AFG2A: variants seen among roughly 807,000 people sequenced by gnomAD.
AFG2A encodes the protein ATPase family gene 2 protein homolog A.
At chr4:123,175,776 C>A in the AFG2A span, among the ~76,000 whole-genome samples, 1 of 152,236 alleles carries the variant, frequency 6.6e-6, no homozygotes, top group African/African-American at 2.4e-5. Context: ...AAGTAAAATG[C>A]AACGGATGCA....
chr4:123,057,268 C>A, the AFG2A span: 1 of 1,613,756 alleles, frequency 6.2e-7, no homozygotes. Context: ...AACTGGATGC[C>A]TTAGCAGTTG....
chr4:123,108,816 G>A, the AFG2A span, among the ~76,000 whole-genome samples: 1 of 152,142 alleles, frequency 6.6e-6, no homozygotes, highest in African/African-American at 2.4e-5. Context: ...GATATTTTGG[G>A]AATTTCTAAG....
chr4:123,028,890 G>C, the AFG2A span, among the ~76,000 whole-genome samples: 1,531 of 152,174 alleles, frequency 0.01, 36 homozygotes, highest in African/African-American at 0.035. Flanking sequence ...TTTGTTCATT[G>C]CTTCGCCCCG....
At chr4:123,135,642 T>C in the AFG2A span, among the ~76,000 whole-genome samples, 2 of 152,198 alleles carry the variant, frequency 1.3e-5, no homozygotes, top group Non-Finnish European at 2.9e-5. Flanking sequence ...AACAATATAG[T>C]ATAACAACGT....
the AFG2A span, among the ~76,000 whole-genome samples, chr4:123,084,971 T>C: frequency 6.6e-6 from 1 of 152,140 alleles, no homozygotes; most frequent in Non-Finnish European, 1.5e-5. Flanking sequence ...TCTTTTTTTT[T>C]CCTTTGTATT....
At chr4:123,051,640 C>CTTTTTTTT in the AFG2A span, among the ~76,000 whole-genome samples, 6 of 96,048 alleles carry the variant, frequency 6.2e-5, no homozygotes, top group East Asian at 3.2e-4. Flanking sequence ...ATTTCCTCAG[C>CTTTTTTTT]TTTTTTTTTT....
chr4:123,058,632 C>A, the AFG2A span, among the ~76,000 whole-genome samples: 1 of 152,042 alleles, frequency 6.6e-6, no homozygotes, highest in African/African-American at 2.4e-5. Context: ...TCTCAAAAAA[C>A]AAAACAAAAC....
chr4:123,085,599 A>G, the AFG2A span, among the ~76,000 whole-genome samples: 3 of 150,230 alleles, frequency 2.0e-5, no homozygotes, highest in African/African-American at 7.4e-5. Flanking sequence ...TTTTGTTGGT[A>G]AAGTGGGTTT....
At chr4:123,168,831 G>C in the AFG2A span, among the ~76,000 whole-genome samples, 1 of 152,144 alleles carries the variant, frequency 6.6e-6, no homozygotes. Flanking sequence ...CCATGAACAG[G>C]ATCCATTCTT....
the AFG2A span, among the ~76,000 whole-genome samples, chr4:123,207,322 G>T: frequency 1.6e-5 from 2 of 125,158 alleles, no homozygotes; most frequent in African/African-American, 3.0e-5. Context: ...ACACGGTCTA[G>T]CTCTGTCGTC....
the AFG2A span, among the ~76,000 whole-genome samples, chr4:123,070,521 A>G: frequency 1.3e-5 from 2 of 152,182 alleles, no homozygotes; most frequent in Non-Finnish European, 2.9e-5. Flanking sequence ...CCTTCTTTAT[A>G]GAATGCCATC....
chr4:123,199,478 T>TC, the AFG2A span, among the ~76,000 whole-genome samples: 1 of 138,864 alleles, frequency 7.2e-6, no homozygotes, highest in East Asian at 2.1e-4. Flanking sequence ...TTTTTTTTTT[T>TC]TTTTTTTTTT....
chr4:122,935,698 C>G, the AFG2A span: 2 of 1,556,678 alleles, frequency 1.3e-6, no homozygotes, highest in South Asian at 2.5e-5. Context: ...CTAGTGTTTT[C>G]TACTTTTTCT....
chr4:123,203,066 G>T, the AFG2A span, among the ~76,000 whole-genome samples: 1 of 151,842 alleles, frequency 6.6e-6, no homozygotes. Flanking sequence ...ATACAATCAT[G>T]CAATGAGTAT....
the AFG2A span, chr4:122,947,435 A>G: frequency 2.5e-6 from 4 of 1,614,134 alleles, no homozygotes; most frequent in South Asian, 4.4e-5. Context: ...CAGCTGGCAA[A>G]TAGTGCTCAT....
At chr4:123,225,643 A>G in the AFG2A span, among the ~76,000 whole-genome samples, 251 of 152,242 alleles carry the variant, frequency 1.6e-3, no homozygotes, top group African/African-American at 5.8e-3. Flanking sequence ...GTCAGGTAGC[A>G]TGATGCCTCC....
the AFG2A span, among the ~76,000 whole-genome samples, chr4:123,285,474 C>G: frequency 6.6e-6 from 1 of 152,090 alleles, no homozygotes; most frequent in Non-Finnish European, 1.5e-5. Flanking sequence ...AAAATCACCC[C>G]GGTCCTGTCA....
the AFG2A span, among the ~76,000 whole-genome samples, chr4:123,206,362 C>A: frequency 6.6e-6 from 1 of 152,026 alleles, no homozygotes; most frequent in Admixed American, 6.6e-5. Context: ...AAAATGTTAA[C>A]CACGGAGACT....
At chr4:123,251,720 G>A in the AFG2A span, among the ~76,000 whole-genome samples, 1 of 151,904 alleles carries the variant, frequency 6.6e-6, no homozygotes, top group East Asian at 1.9e-4. Flanking sequence ...TCCTGTATTT[G>A]TTTTAGGTAG....
Sources: gnomAD v4.1 joint callset for allele counts (sites outside exome capture counted in the v4.1 genomes callset) on GRCh38, gnomAD v4.1.1 for gene constraint, MANE v1.5 for transcripts, NCBI Gene and HGNC (gene_info 2026-07-23, HGNC 2026-07-21) for gene names.